Variants in PIAS3 observed in about 807,000 individuals in gnomAD.
The protein encoded by PIAS3 is protein inhibitor of activated STAT 3.
In PIAS3, 34 loss-of-function variants were observed where a neutral mutation model predicts 67.6. The observed-to-expected ratio is 0.50, with a 90% CI of 0.38 to 0.67. PIAS3 has a LOEUF of 0.67. Ranked by LOEUF, PIAS3 falls within the 30% of genes least tolerant of loss-of-function variation. The pLI is 0.00. For synonymous variants in PIAS3, 341 were observed against 313.8 expected (o/e 1.09, Z -0.92); for missense variants, 693 against 791.6 (o/e 0.88, Z 1.49).
At chr1:145,850,976 G>T (rs782498741) in intron 10 of PIAS3, 37 bp from the exon 11 acceptor site, 6 of 1,613,984 alleles carry the variant, frequency 3.7e-6, no homozygotes, top group East Asian at 4.5e-5. Flanking sequence ...CAGAGAAGAG[G>T]CCATCCAAGA....
chr1:145,851,191 A>G (rs587775716), intron 9 of PIAS3, 38 bp from the exon 10 acceptor site: 2 of 1,609,400 alleles, frequency 1.2e-6, no homozygotes, highest in African/African-American at 2.7e-5. Flanking sequence ...CGGGGCTGGG[A>G]GATGAGCAGA....
Position 145,856,679 on chromosome 1 carries a change from G to T in PIAS3, c.352C>A (p.Pro118Thr), listed in dbSNP as rs782102609. Residue 118 changes from proline to threonine, a missense_variant, in exon 2 of 14, where the codon CCT (proline) becomes ACT (threonine). By Grantham distance (38) the Pro-to-Thr change is conservative. Around this residue, in one of 3 missense-constraint regions of PIAS3, gnomAD observed 308 missense variants for 348.8 expected, o/e 0.88. Transcript: ENST00000393045. The stretch of plus-strand genomic sequence containing the variant: ...TCAGGGTGCACAGGCTGGGGCAGAG[G>T]GGGGTGCATGTCCACCTCACGCTTG... ...GPKREVDMHP[P>T]LPQPVHPDVT... 1.9e-6 allele frequency: 3 copies of T among 1,609,026 alleles called. No individual in the cohort carries two copies. Among genetic ancestry groups the T allele is most frequent in the African/African-American group, 2.7e-5 (2 of 74,826 alleles).
Position 145,856,959 on chromosome 1 carries a change from G to A in PIAS3, c.72C>T (p.Gly24=), listed in dbSNP as rs1295449464. ...FRVSELQVLL[G]FAGRNKSGRK... is the part of the protein sequence containing the mutation. The stretch of plus-strand genomic sequence containing the variant: ...GTCCACTCTTGTTCCGGCCAGCAAA[G>A]CCAAGAAGCACCTGGAGCTCAGACA... The change falls in exon 2 of 14, where the codon GGC becomes GGT. Residue 24 remains glycine, a synonymous_variant. Coordinates refer to ENST00000393045, the MANE Select transcript of PIAS3 (RefSeq NM_006099.3). 1.2e-6 allele frequency: 2 copies of A among 1,614,036 alleles called. No homozygotes were observed. Among genetic ancestry groups the A allele is most frequent in the Admixed American group, 1.7e-5 (1 of 60,006 alleles).
chr1:145,854,374 G>T, intron 7 of PIAS3, 84 bp downstream of exon 7: 1 of 922,234 alleles, frequency 1.1e-6, no homozygotes, highest in East Asian at 2.5e-5. Flanking sequence ...TCAAAAAAGA[G>T]GTATGGGTTT....
In PIAS3 at chr1:145,850,818, GT is replaced by G; in HGVS notation, c.1400del (p.His467ProfsTer19). On this transcript the variant is annotated frameshift_variant, in exon 11 of 14. Transcript: ENST00000393045. LOFTEE classifies it high-confidence loss of function. The part of the protein sequence containing the change: ...DEEDLPPTKK[H>X]CSVTSAAIPA... ...GGATGGCAGCTGAGGTGACAGAACAGTGCTTCTTGGTAGGGGGCAGATCCTC... is the reference window on the plus strand; with the variant it reads ...GGATGGCAGCTGAGGTGACAGAACAGGCTTCTTGGTAGGGGGCAGATCCTC... 1 of 1,614,248 alleles carries G rather than the reference GT, an allele frequency of 6.2e-7. No individual in the cohort carries two copies. Among genetic ancestry groups the G allele is most frequent in the Non-Finnish European group, 8.5e-7 (1 of 1,180,044 alleles).
chr1:145,857,959 G>A (rs1653260075), intron 1 of PIAS3, among the ~76,000 whole-genome samples: 1 of 152,142 alleles, frequency 6.6e-6, no homozygotes, highest in Admixed American at 6.5e-5. Flanking sequence ...AGGTAGCTGG[G>A]CCCAGTGGCT....
Position 145,849,573 on chromosome 1 carries a change from G to A in PIAS3, c.1760C>T (p.Ala587Val), listed in dbSNP as rs201153529. Reference protein sequence around the residue: ...LGSSHCSATPAPPPGRVSSIV... With the variant: ...LGSSHCSATPVPPPGRVSSIV... The stretch of plus-strand genomic sequence containing the variant: ...GCTGCTGACACGGCCAGGAGGGGGC[G>A]CCGGAGTGGCGCTGCAGTGGGAGCT... The change falls in exon 14 of 14, where the codon GCG becomes GTG. Residue 587 changes from alanine to valine, a missense_variant. By Grantham distance (64) the Ala-to-Val change is moderately conservative (BLOSUM62 0). Transcript: ENST00000393045. 531 of 1,610,602 alleles carry A rather than the reference G, an allele frequency of 3.3e-4. 4 individuals carry two copies. Among genetic ancestry groups the A allele is most frequent in the South Asian group, 2.3e-3 (206 of 90,488 alleles).
In PIAS3 at chr1:145,850,842, C is replaced by T; in HGVS notation, c.1377G>A (p.Glu459=). ...AGTGCTTCTTGGTAGGGGGCAGATC[C>T]TCCTCATCTGATGAGCTTTCTATTG... The part of the protein sequence containing the change: ...DLTIESSSDE[E]DLPPTKKHCS... Residue 459 remains glutamate, a synonymous_variant, in exon 11 of 14, where the codon GAG becomes GAA. Coordinates refer to ENST00000393045, the MANE Select transcript of PIAS3 (RefSeq NM_006099.3). 1.9e-6 allele frequency: 3 copies of T among 1,614,222 alleles called. No homozygotes were observed. The South Asian group carries it at 3.3e-5, about 18-fold the overall frequency.
chr1:145,849,029 AAGAAG>A lies in PIAS3; in HGVS notation c.*412_*416del. The A allele has an allele frequency of 6.0e-6, 1 of 165,882 alleles. No individual in the cohort carries two copies. 10.3% of individuals were successfully genotyped at this position (165,882 alleles called of 1,614,324 possible). ...TAGACATGAAGAGACAATGGATGTG[AAGAAG>A]AAATAGAGCCATGGGTTTGGGTAAT... On this transcript the variant is annotated 3_prime_UTR_variant, in exon 14 of 14. Coordinates refer to ENST00000393045, the MANE Select transcript of PIAS3 (RefSeq NM_006099.3).
In PIAS3 at chr1:145,848,592, A is replaced by G. The variant is rs1652826776; in HGVS notation, c.*854T>C. 5.0e-6 allele frequency: 4 copies of G among 803,602 alleles called. No homozygotes were observed. The highest frequency in any genetic ancestry group is 2.4e-5 in the Admixed American group (1 of 41,668). The allele number at this position is 803,602 out of a possible 1,614,324, so 49.8% of individuals were successfully genotyped here. A position where few individuals can be genotyped will look rare whatever the true frequency, so the allele number is the denominator to read the frequency against. On this transcript the variant is annotated 3_prime_UTR_variant, in exon 14 of 14. Transcript: ENST00000393045. ...TAGAAATAAAAAGTAAAATTACAAC[A>G]TAGGTCCTAGGCCTTGGCGAGCCTG...
Position 145,848,591 on chromosome 1 carries a change from C to T in PIAS3, c.*855G>A. 1 of 812,024 alleles carries T rather than the reference C, an allele frequency of 1.2e-6. No individual in the cohort carries two copies. Among genetic ancestry groups the T allele is most frequent in the Non-Finnish European group, 2.0e-6 (1 of 498,966 alleles). 50.3% of individuals were successfully genotyped at this position (812,024 alleles called of 1,614,324 possible). On this transcript the variant is annotated 3_prime_UTR_variant, in exon 14 of 14. Transcript: ENST00000393045. ...TTAGAAATAAAAAGTAAAATTACAACATAGGTCCTAGGCCTTGGCGAGCCT... is the reference window on the plus strand; with the variant it reads ...TTAGAAATAAAAAGTAAAATTACAATATAGGTCCTAGGCCTTGGCGAGCCT...
intron 1 of PIAS3, among the ~76,000 whole-genome samples, chr1:145,857,994 T>C (rs1653261693): frequency 6.6e-6 from 1 of 152,030 alleles, no homozygotes; most frequent in Non-Finnish European, 1.5e-5. Context: ...CCCAGGACCA[T>C]AGCTCCCATT....
intron 4 of PIAS3, 59 bp downstream of exon 4, chr1:145,856,009 C>G: frequency 7.3e-7 from 1 of 1,373,048 alleles, no homozygotes; most frequent in East Asian, 2.3e-5. Context: ...ATCTGTCATA[C>G]CCCTACTTCA....
In PIAS3 at chr1:145,850,537, T is replaced by C. The variant is rs143512851; in HGVS notation, c.1498A>G (p.Met500Val). 3.8e-4 allele frequency: 610 copies of C among 1,614,060 alleles called. 1 individual carries two copies. The highest frequency in any genetic ancestry group is 5.0e-4 in the Non-Finnish European group (595 of 1,180,032). ...QPSSVLRSPA[M>V]GTLGGDFLSS... Reference sequence around the variant, plus strand: ...AGGAAATCCCCACCCAACGTGCCCATAGCAGGGCTCCTTAGCACCGAGGAT... The same window carrying C: ...AGGAAATCCCCACCCAACGTGCCCACAGCAGGGCTCCTTAGCACCGAGGAT... The change falls in exon 12 of 14, where the codon ATG (methionine) becomes GTG (valine). Residue 500 changes from methionine to valine, a missense_variant. Around this residue, in one of 3 missense-constraint regions of PIAS3, gnomAD observed 270 missense variants for 261.0 expected, o/e 1.03. Coordinates refer to ENST00000393045, the MANE Select transcript of PIAS3 (RefSeq NM_006099.3).
At chr1:145,852,844 T>C (rs1653016643) in intron 9 of PIAS3, among the ~76,000 whole-genome samples, 1 of 152,142 alleles carries the variant, frequency 6.6e-6, no homozygotes, top group African/African-American at 2.4e-5. Flanking sequence ...GATCTTCCCA[T>C]CTCAGCCTTC....
rs1553736161 is a variant in PIAS3, at chr1:145,859,004, A to T, written c.-14T>A. 1.3e-6 allele frequency: 2 copies of T among 1,542,676 alleles called. No individual in the cohort carries two copies. The highest frequency in any genetic ancestry group is 1.7e-6 in the Non-Finnish European group (2 of 1,145,580). ...CAGCTCCGCCATCTTGAGACATCGCAGGCGCCCCAGCCGGAGCCGGAGCTC... is the reference window on the plus strand; with the variant it reads ...CAGCTCCGCCATCTTGAGACATCGCTGGCGCCCCAGCCGGAGCCGGAGCTC... On this transcript the variant is annotated 5_prime_UTR_variant, in exon 1 of 14. Coordinates refer to ENST00000393045, the MANE Select transcript of PIAS3 (RefSeq NM_006099.3).
At chr1:145,856,262 G>A in intron 3 of PIAS3, 85 bp downstream of exon 3, 1 of 1,268,552 alleles carries the variant, frequency 7.9e-7, no homozygotes, top group Non-Finnish European at 1.2e-6. Flanking sequence ...TATAGGAGGA[G>A]GGATAGGGAA....
Position 145,859,045 on chromosome 1 carries a change from C to T in PIAS3, c.-55G>A, listed in dbSNP as rs1422123302. The stretch of plus-strand genomic sequence containing the variant: ...GCCGGAGCTCAGGCCCAGGGACCGG[C>T]GCACAACTCTCCACCCTGGCGCCGG... On this transcript the variant is annotated 5_prime_UTR_variant, in exon 1 of 14. Transcript: ENST00000393045. 6 of 1,523,100 alleles carry T rather than the reference C, an allele frequency of 3.9e-6. No individual in the cohort carries two copies. The highest frequency in any genetic ancestry group is 2.4e-5 in the South Asian group (2 of 82,226). 94.3% of individuals were successfully genotyped at this position (1,523,100 alleles called of 1,614,324 possible).
At position 145,855,726 on chromosome 1, in the gene PIAS3, G is replaced by C. The variant is rs782339754; in HGVS notation, c.669+10C>G. ...AGGGATTACTGACAGAAGAAGGGGA[G>C]AGCATTTACCGGCAGGGGGCACAGT... On this transcript the variant is annotated intron_variant, in intron 5 of 13. Coordinates refer to ENST00000393045, the MANE Select transcript of PIAS3 (RefSeq NM_006099.3). 6.8e-7 allele frequency: 1 copy of C among 1,462,666 alleles called. No individual in the cohort carries two copies. Among genetic ancestry groups the C allele is most frequent in the Admixed American group, 1.8e-5 (1 of 54,354 alleles). 90.6% of individuals were successfully genotyped at this position (1,462,666 alleles called of 1,614,324 possible). A position where few individuals can be genotyped will look rare whatever the true frequency, so the allele number is the denominator to read the frequency against.
Sources: allele counts gnomAD v4.1 joint callset (sites outside exome capture counted in the v4.1 genomes callset), GRCh38; gene constraint gnomAD v4.1.1; regional missense constraint gnomAD v4.1.1; transcripts MANE v1.5; gene names NCBI Gene and HGNC (gene_info 2026-07-23, HGNC 2026-07-21).